The following CUX1 variants were observed in gnomAD, a reference collection of about 807,000 sequenced individuals.
The protein encoded by CUX1 is cut like homeobox 1, also known as protein CASP.
CUX1 carries 31 observed loss-of-function variants against 158.8 expected under a neutral mutation model. The ratio of observed to expected loss-of-function variants is 0.20; its 90% CI spans 0.15 to 0.26. CUX1 has a LOEUF of 0.26. Among genes scored for constraint, CUX1 ranks in the 10% least tolerant of loss-of-function variants. The pLI is 1.00. For missense variants in CUX1, 1,589 were observed against 2,014.6 expected (o/e 0.79, Z 4.04); for synonymous variants, 879 against 862.1 (o/e 1.02, Z -0.34).
intron 4 of CUX1, among the ~76,000 whole-genome samples, chr7:102,077,055 GA>G (rs1554476897): frequency 6.7e-6 from 1 of 149,486 alleles, no homozygotes; most frequent in African/African-American, 2.5e-5. Flanking sequence ...AAAAAAATTA[GA>G]AAAAAGAAGA....
At chr7:102,195,712 C>T (rs995175664) in intron 14 of CUX1, 109 bp downstream of exon 14, 6 of 965,082 alleles carry the variant, frequency 6.2e-6, no homozygotes, top group African/African-American at 1.7e-5. Context: ...GCCAGAGAAG[C>T]GCCGGTTGAC....
intron 3 of CUX1, among the ~76,000 whole-genome samples, chr7:102,034,751 CAAAAA>C (rs33994794): frequency 8.5e-6 from 1 of 117,952 alleles, no homozygotes; most frequent in Non-Finnish European, 1.7e-5. Context: ...GACTCCGTCT[CAAAAA>C]AAAAAAAAAA....
intron 2 of CUX1, among the ~76,000 whole-genome samples, chr7:101,972,076 C>T (rs927646734): frequency 1.3e-5 from 2 of 152,208 alleles, no homozygotes; most frequent in East Asian, 1.9e-4. Context: ...ACGCCATTCT[C>T]CTGCCTCAGC....
chr7:102,246,990 C>T (rs1036625823), intron 23 of CUX1, among the ~76,000 whole-genome samples: 4 of 152,112 alleles, frequency 2.6e-5, no homozygotes, highest in African/African-American at 9.7e-5. Flanking sequence ...TATGATCTTG[C>T]CCCTGCACTC....
intron 8 of CUX1, among the ~76,000 whole-genome samples, chr7:102,150,900 G>A (rs1304420722): frequency 6.6e-6 from 1 of 152,228 alleles, no homozygotes; most frequent in Non-Finnish European, 1.5e-5. Flanking sequence ...TGTTTCGTCA[G>A]CTCATAAAAA....
At chr7:102,212,424 C>T (rs1554523407) in intron 20 of CUX1, among the ~76,000 whole-genome samples, 1 of 152,136 alleles carries the variant, frequency 6.6e-6, no homozygotes, top group Non-Finnish European at 1.5e-5. Flanking sequence ...AGAACTCGGC[C>T]CCCCAAAGTC....
At chr7:101,829,620 G>A (rs1050801662) in intron 1 of CUX1, among the ~76,000 whole-genome samples, 4 of 129,536 alleles carry the variant, frequency 3.1e-5, no homozygotes, top group African/African-American at 8.6e-5. Context: ...CTCAGGGGCC[G>A]CCCAAGATGA....
chr7:102,254,288 G>A lies in CUX1; in HGVS notation c.*5246G>A, dbSNP rs926648342. The stretch of plus-strand genomic sequence containing the variant: ...CCATCATGGCCATTATCCTTGTCCC[G>A]GACTGCCCCAAAGTTCCCAGCTGGC... On this transcript the variant is annotated 3_prime_UTR_variant, in exon 24 of 24. Coordinates refer to ENST00000292535, the MANE Select transcript of CUX1 (RefSeq NM_181552.4). The A allele has an allele frequency of 1.3e-5, 13 of 985,366 alleles. No individual in the cohort carries two copies. The South Asian group carries it at 1.4e-4, about 11-fold the overall frequency. 61.0% of individuals were successfully genotyped at this position (985,366 alleles called of 1,614,324 possible).
intron 3 of CUX1, among the ~76,000 whole-genome samples, chr7:102,063,987 G>T (rs1825251177): frequency 6.6e-6 from 1 of 152,204 alleles, no homozygotes; most frequent in East Asian, 1.9e-4. Context: ...TGAGCCTGCA[G>T]ATCAGGGTAG....
At chr7:102,056,363 G>C (rs543434213) in intron 3 of CUX1, among the ~76,000 whole-genome samples, 1 of 152,130 alleles carries the variant, frequency 6.6e-6, no homozygotes, top group Non-Finnish European at 1.5e-5. Flanking sequence ...GCCGACTCTC[G>C]TTAGGGGATA....
At chr7:102,040,052 C>T (rs554150140) in intron 3 of CUX1, among the ~76,000 whole-genome samples, 1 of 152,296 alleles carries the variant, frequency 6.6e-6, no homozygotes, top group African/African-American at 2.4e-5. Flanking sequence ...GCAACCTTTT[C>T]GGGAGCCTCC....
At position 101,839,761 on chromosome 7, in the gene CUX1, T is replaced by C. The variant is rs1473628165; in HGVS notation, c.30+22092T>C. Among the ~76,000 whole-genome samples the C allele has an allele frequency of 3.9e-5, 6 of 152,258 alleles. No individual in the cohort carries two copies. The East Asian group carries it at 9.6e-4, about 24-fold the overall frequency. ...ACATGCGAATAATTTGTCAATTTTC[T>C]TTCTTTTTTTTGTTTTTTGAGACAG... On this transcript the variant is annotated intron_variant, in intron 1 of 23. Transcript: ENST00000292535.
Position 102,255,864 on chromosome 7 carries a change from C to T in CUX1, c.*6822C>T, listed in dbSNP as rs1179594113. On this transcript the variant is annotated 3_prime_UTR_variant, in exon 24 of 24. Transcript: ENST00000292535. ...TATTTTTTTTGTACTTTGCTTTAAA[C>T]GGAAAGCACTTAAATAGATGACTAT... 4.1e-6 allele frequency: 4 copies of T among 984,472 alleles called. No individual in the cohort carries two copies. The African/African-American group carries it at 5.3e-5, about 13-fold the overall frequency. The allele number at this position is 984,472 out of a possible 1,614,324, so 61.0% of individuals were successfully genotyped here. A position where few individuals can be genotyped will look rare whatever the true frequency, so the allele number is the denominator to read the frequency against.
chr7:101,913,438 G>T (rs1164356676), intron 1 of CUX1: 1 of 1,242,030 alleles, frequency 8.1e-7, no homozygotes, highest in African/African-American at 1.5e-5. Context: ...CCGGGATCAA[G>T]GTGGGTTCAC....
At chr7:101,991,473 T>C (rs1205941678) in intron 2 of CUX1, among the ~76,000 whole-genome samples, 4 of 152,136 alleles carry the variant, frequency 2.6e-5, no homozygotes, top group East Asian at 1.9e-4. Context: ...AAAATATCAG[T>C]TGGGGCCGGG....
At chr7:102,045,252 A>G (rs1358046259) in intron 3 of CUX1, among the ~76,000 whole-genome samples, 1 of 152,236 alleles carries the variant, frequency 6.6e-6, no homozygotes, top group East Asian at 1.9e-4. Flanking sequence ...AACCTTGCAT[A>G]ACATAGGAAA....
chr7:102,159,694 C>G (rs1482865790), intron 9 of CUX1, among the ~76,000 whole-genome samples: 1 of 151,660 alleles, frequency 6.6e-6, no homozygotes, highest in African/African-American at 2.4e-5. Flanking sequence ...ATCCCCGTCT[C>G]TACTAAAAAT....
chr7:101,834,609 G>T (rs980150184), intron 1 of CUX1, among the ~76,000 whole-genome samples: 29 of 152,118 alleles, frequency 1.9e-4, no homozygotes, highest in African/African-American at 6.5e-4. Context: ...TGTTCTAAAC[G>T]TGCCGCTTGT....
chr7:101,887,948 A>G (rs1022116542), intron 1 of CUX1, among the ~76,000 whole-genome samples: 4 of 150,340 alleles, frequency 2.7e-5, no homozygotes, highest in Admixed American at 2.0e-4. Flanking sequence ...CCACTCCAGG[A>G]GAACGCATTC....
Sources: allele counts gnomAD v4.1 joint callset (sites outside exome capture counted in the v4.1 genomes callset), GRCh38; gene constraint gnomAD v4.1.1; transcripts MANE v1.5; gene names NCBI Gene and HGNC (gene_info 2026-07-23, HGNC 2026-07-21).